MED27: variants seen among roughly 807,000 people sequenced by gnomAD.
MED27 encodes the protein mediator complex subunit 27, also known as mediator of RNA polymerase II transcription subunit 27.
MED27 carries 30 observed loss-of-function variants against 38.2 expected under a neutral mutation model. That is an observed-to-expected ratio of 0.79 (90% CI 0.59 to 1.07). The LOEUF is 1.07. Ranked by LOEUF, MED27 falls within the 50% of genes least tolerant of loss-of-function variation. The pLI, the probability that MED27 is intolerant of heterozygous loss-of-function variation, is 0.00. For synonymous variants in MED27, 122 were observed against 153.5 expected, an observed-to-expected ratio of 0.79 and a Z score of 1.52; for missense variants, 289 against 397.5, an observed-to-expected ratio of 0.73 and a Z score of 2.32.
At chr9:131,894,766 TC>T (rs961889530) in intron 4 of MED27, among the ~76,000 whole-genome samples, 12 of 151,952 alleles carry the variant, frequency 7.9e-5, no homozygotes, top group Admixed American at 3.3e-4. Flanking sequence ...TATGGCTGTT[TC>T]CCCCCATCAA....
chr9:131,900,852 T>C (rs185560282), intron 4 of MED27, among the ~76,000 whole-genome samples: 4 of 152,026 alleles, frequency 2.6e-5, no homozygotes, highest in Admixed American at 1.3e-4. Context: ...AAGTCTGATA[T>C]GTAGGCGCCC....
rs139330039 is a variant in MED27, at chr9:131,900,146, A to T, written c.574-6154T>A. Reference sequence around the variant, plus strand: ...GTTTCCTGTGCAGGCATCAAGGTGCACTTGAAGAGGAAGCCCAGCCCGCCT... The same window carrying T: ...GTTTCCTGTGCAGGCATCAAGGTGCTCTTGAAGAGGAAGCCCAGCCCGCCT... On this transcript the variant is annotated intron_variant, in intron 4 of 7. Transcript: ENST00000292035. Among the ~76,000 whole-genome samples the T allele has an allele frequency of 1.2e-3, 187 of 152,332 alleles. 1 individual carries two copies. The highest frequency in any genetic ancestry group is 4.2e-3 in the African/African-American group (173 of 41,566).
At chr9:131,879,724 C>T (rs1247788263) in intron 6 of MED27, among the ~76,000 whole-genome samples, 1 of 152,212 alleles carries the variant, frequency 6.6e-6, no homozygotes, top group Non-Finnish European at 1.5e-5. Flanking sequence ...CGAACCCCAC[C>T]CTCGCCAGTC....
chr9:131,863,158 A>T lies in MED27; in HGVS notation c.724-18T>A. On this transcript the variant is annotated intron_variant, in intron 6 of 7. Coordinates refer to ENST00000292035, the MANE Select transcript of MED27 (RefSeq NM_004269.4). ...TCTGTCACCTGAGAGTGAAGGACAA[A>T]GACGAGTTAGCGGCCACTCCAAGCT... The T allele has an allele frequency of 6.2e-7, 1 of 1,612,192 alleles. No individual in the cohort carries two copies. Among genetic ancestry groups the T allele is most frequent in the Middle Eastern group, 1.7e-4 (1 of 6,058 alleles).
At chr9:131,949,388 C>T (rs1296943223) in intron 3 of MED27, among the ~76,000 whole-genome samples, 3 of 152,124 alleles carry the variant, frequency 2.0e-5, no homozygotes, top group African/African-American at 4.8e-5. Flanking sequence ...CTCAATCTCT[C>T]GTCAACTCTG....
In MED27 at chr9:132,022,108, C is replaced by G. The variant is rs139941437; in HGVS notation, c.349-7641G>C. On this transcript the variant is annotated intron_variant, in intron 2 of 7. Coordinates refer to ENST00000292035, the MANE Select transcript of MED27 (RefSeq NM_004269.4). ...CAACACAGTAATGAGAGCATCATGA[C>G]AGATTATTGACAGGCGGTGACAATG... Among the ~76,000 whole-genome samples, 286 of 152,270 alleles carry G rather than the reference C, an allele frequency of 1.9e-3. 1 individual carries two copies. Among genetic ancestry groups the G allele is most frequent in the African/African-American group, 6.2e-3 (256 of 41,550 alleles).
At chr9:131,972,456 C>T (rs1468282859) in intron 3 of MED27, among the ~76,000 whole-genome samples, 2 of 152,132 alleles carry the variant, frequency 1.3e-5, no homozygotes, top group African/African-American at 2.4e-5. Flanking sequence ...CAAATGTAAC[C>T]TCCAGCAAGA....
intron 5 of MED27, among the ~76,000 whole-genome samples, chr9:131,887,068 T>C (rs975962921): frequency 6.6e-6 from 1 of 152,064 alleles, no homozygotes; most frequent in Non-Finnish European, 1.5e-5. Flanking sequence ...ACATCATACA[T>C]AAGCAGACCA....
chr9:132,048,200 A>C (rs1469912370), intron 2 of MED27, among the ~76,000 whole-genome samples: 1 of 152,210 alleles, frequency 6.6e-6, no homozygotes, highest in Non-Finnish European at 1.5e-5. Flanking sequence ...CTATCTTGCA[A>C]ACATCCTTGA....
At chr9:131,940,654 G>T (rs1830770632) in intron 3 of MED27, among the ~76,000 whole-genome samples, 1 of 152,192 alleles carries the variant, frequency 6.6e-6, no homozygotes, top group African/African-American at 2.4e-5. Context: ...GACCTCAAGT[G>T]ATCCACCTGC....
At position 131,912,071 on chromosome 9, in the gene MED27, C is replaced by G. The variant is rs149299932; in HGVS notation, c.574-18079G>C. On this transcript the variant is annotated intron_variant, in intron 4 of 7. Coordinates refer to ENST00000292035, the MANE Select transcript of MED27 (RefSeq NM_004269.4). ...GGGCTAAGCCTACCACCCCGAGGAA[C>G]TGAGACTCTATATTAAACTATATAA... 4.1e-4 allele frequency among the ~76,000 whole-genome samples: 62 copies of G among 152,298 alleles called. No individual in the cohort carries two copies. In the East Asian group the frequency reaches 8.5e-3, roughly 21 times the overall value.
chr9:131,959,949 A>C (rs1490346048), intron 3 of MED27, among the ~76,000 whole-genome samples: 1 of 152,208 alleles, frequency 6.6e-6, no homozygotes, highest in Non-Finnish European at 1.5e-5. Context: ...CTGAGGACTA[A>C]AGATGAGTAT....
rs138162911 is a variant in MED27, at chr9:132,040,783, A to G, written c.349-26316T>C. ...ACACCGCACACTCAAGCACCAGCAC[A>G]CACGGCAGGATATTCTAGGAAGGCC... On this transcript the variant is annotated intron_variant, in intron 2 of 7. Transcript: ENST00000292035. Among the ~76,000 whole-genome samples the G allele has an allele frequency of 4.4e-3, 670 of 152,330 alleles. 3 individuals carry two copies. Among genetic ancestry groups the G allele is most frequent in the African/African-American group, 0.015 (611 of 41,576 alleles).
At chr9:132,023,793 G>A (rs1832764261) in intron 2 of MED27, among the ~76,000 whole-genome samples, 1 of 152,144 alleles carries the variant, frequency 6.6e-6, no homozygotes, top group South Asian at 2.1e-4. Flanking sequence ...ATATGATGAT[G>A]ATGTCAGAAA....
intron 2 of MED27, among the ~76,000 whole-genome samples, chr9:132,014,958 T>G (rs551687923): frequency 1.3e-5 from 2 of 152,234 alleles, no homozygotes; most frequent in Non-Finnish European, 2.9e-5. Flanking sequence ...AATTTTTTAA[T>G]AAGAAAATCC....
intron 2 of MED27, among the ~76,000 whole-genome samples, chr9:132,050,089 G>A (rs916662022): frequency 1.3e-4 from 20 of 152,048 alleles, no homozygotes; most frequent in African/African-American, 4.4e-4. Flanking sequence ...GATGTAATCC[G>A]AACAATCCGT....
At position 132,003,939 on chromosome 9, in the gene MED27, G is replaced by C. The variant is rs1832296787; in HGVS notation, c.479+10398C>G. On this transcript the variant is annotated intron_variant, in intron 3 of 7. Transcript: ENST00000292035. The surrounding 1 kb of genome is among the most constrained non-coding windows in gnomAD (Gnocchi z 4.2). ...TGGTCAAACATACATCTGGCCTGTGGAAAGTACATAAAGGCTTTCAGAGTG... is the reference window on the plus strand; with the variant it reads ...TGGTCAAACATACATCTGGCCTGTGCAAAGTACATAAAGGCTTTCAGAGTG... Among the ~76,000 whole-genome samples the C allele has an allele frequency of 6.6e-6, 1 of 152,050 alleles. No homozygotes were observed. Among genetic ancestry groups the C allele is most frequent in the Admixed American group, 6.5e-5 (1 of 15,268 alleles).
intron 2 of MED27, among the ~76,000 whole-genome samples, chr9:132,041,788 T>G (rs1833218813): frequency 6.6e-6 from 1 of 152,248 alleles, no homozygotes; most frequent in Non-Finnish European, 1.5e-5. Context: ...AGCAATTACG[T>G]GCAAACACGT....
chr9:131,952,286 T>G (rs1831012998), intron 3 of MED27, among the ~76,000 whole-genome samples: 1 of 152,180 alleles, frequency 6.6e-6, no homozygotes, highest in Admixed American at 6.5e-5. Context: ...TCTCCAATCC[T>G]ACAGCAGGAA....
Sources: gnomAD v4.1 joint callset for allele counts (sites outside exome capture counted in the v4.1 genomes callset) on GRCh38, gnomAD v4.1.1 for gene constraint, Gnocchi (gnomAD v3.1) non-coding constraint, MANE v1.5 for transcripts, NCBI Gene and HGNC (gene_info 2026-07-23, HGNC 2026-07-21) for gene names.